The following LAMA1 variants were observed in gnomAD, a reference collection of about 807,000 sequenced individuals.
LAMA1 encodes the protein laminin subunit alpha-1.
In LAMA1, 219 loss-of-function variants were observed where a neutral mutation model predicts 348.7. The observed-to-expected ratio is 0.63, with a 90% CI of 0.56 to 0.70. LAMA1 has a LOEUF of 0.70. Among genes scored for constraint, LAMA1 ranks in the 30% least tolerant of loss-of-function variants. LAMA1 has a pLI of 0.00. For synonymous variants in LAMA1, 1,487 were observed against 1,491.0 expected, an observed-to-expected ratio of 1.00 and a Z score of 0.06; for missense variants, 3,744 against 3,888.0, an observed-to-expected ratio of 0.96 and a Z score of 0.99.
At chr18:7,033,568 T>C (rs1467694288) in intron 14 of LAMA1, among the ~76,000 whole-genome samples, 1 of 152,076 alleles carries the variant, frequency 6.6e-6, no homozygotes. Context: ...TCCCTGGAAA[T>C]GCCTTCAATG....
In LAMA1 at chr18:7,066,219, A is replaced by G. The variant is rs796635995; in HGVS notation, c.345+13756T>C. On this transcript the variant is annotated intron_variant, in intron 3 of 62. Transcript: ENST00000389658. ...CAAATCCAGAGGATGTATTCTCTACATCCCAGTGCATATTCGTGAATGACG... is the reference window on the plus strand; with the variant it reads ...CAAATCCAGAGGATGTATTCTCTACGTCCCAGTGCATATTCGTGAATGACG... Among the ~76,000 whole-genome samples the G allele has an allele frequency of 3.9e-5, 6 of 152,368 alleles. No homozygotes were observed. In the East Asian group the frequency reaches 1.2e-3, roughly 29 times the overall value.
At chr18:7,024,728 T>G (rs2057934752) in intron 17 of LAMA1, among the ~76,000 whole-genome samples, 1 of 152,156 alleles carries the variant, frequency 6.6e-6, no homozygotes, top group African/African-American at 2.4e-5. Flanking sequence ...ACAGCGCGCC[T>G]GCTTCTCTCG....
rs1474594423 is a variant in LAMA1, at chr18:6,999,090, T to C, written c.4663+355A>G. ...GTCACGAGTGGAAGCTATCATGAAATTGGGGTAACACAAATGACAACCCCA... is the reference window on the plus strand; with the variant it reads ...GTCACGAGTGGAAGCTATCATGAAACTGGGGTAACACAAATGACAACCCCA... On this transcript the variant is annotated intron_variant, in intron 32 of 62. Transcript: ENST00000389658. Among the ~76,000 whole-genome samples the C allele has an allele frequency of 3.3e-5, 5 of 151,988 alleles. No individual in the cohort carries two copies. In the East Asian group the frequency reaches 7.7e-4, roughly 23 times the overall value.
chr18:7,041,489 C>A (rs546979876), intron 9 of LAMA1, among the ~76,000 whole-genome samples: 1 of 152,132 alleles, frequency 6.6e-6, no homozygotes, highest in African/African-American at 2.4e-5. Context: ...CCCTACTGGT[C>A]GATATCCATT....
At chr18:7,046,156 G>A (rs990178107) in intron 6 of LAMA1, 122 bp downstream of exon 6, 28 of 646,996 alleles carry the variant, frequency 4.3e-5, no homozygotes, top group Middle Eastern at 7.7e-4. Flanking sequence ...CTGAAAATCT[G>A]TTTTTTTGGA....
chr18:6,993,746 T>C lies in LAMA1; in HGVS notation c.4903A>G (p.Arg1635Gly). The C allele has an allele frequency of 6.3e-7, 1 of 1,596,046 alleles. No individual in the cohort carries two copies. The highest frequency in any genetic ancestry group is 8.6e-7 in the Non-Finnish European group (1 of 1,163,484). ...ETDNLQKKLT[R>G]MLASTQKVNR... ...ACCTTTTGGGTACTCGCTAACATCCTAGTGAGCTGGTGGAAAAATAAAGTC... is the reference window on the plus strand; with the variant it reads ...ACCTTTTGGGTACTCGCTAACATCCCAGTGAGCTGGTGGAAAAATAAAGTC... Residue 1635 changes from arginine (R) to glycine (G), a missense_variant, in exon 35 of 63, where the codon AGG becomes GGG. Physicochemically the swap from Arg to Gly is moderately radical, Grantham distance 125 (BLOSUM62 -2). Around this residue, in one of 3 missense-constraint regions of LAMA1, gnomAD observed 1,983 missense variants for 1,934.3 expected, o/e 1.03. Transcript: ENST00000389658.
At position 7,060,698 on chromosome 18, in the gene LAMA1, C is replaced by T. The variant is rs77965105; in HGVS notation, c.346-9762G>A. ...TAAAACGTAAATAGTAACCCATGAT[C>T]GGTAATCTGAAGATAGGAAAGAAAT... is the stretch of plus-strand genomic sequence containing the variant. On this transcript the variant is annotated intron_variant, in intron 3 of 62. Coordinates refer to ENST00000389658, the MANE Select transcript of LAMA1 (RefSeq NM_005559.4). Among the ~76,000 whole-genome samples the T allele has an allele frequency of 0.013, 1,929 of 152,208 alleles. 107 individuals carry two copies. In the East Asian group the frequency reaches 0.2, roughly 15 times the overall value.
chr18:7,037,464 G>A, intron 12 of LAMA1, 114 bp downstream of exon 12: 2 of 1,172,046 alleles, frequency 1.7e-6, no homozygotes, highest in Non-Finnish European at 2.6e-6. Flanking sequence ...ATGAAATGCT[G>A]TCCAACACTC....
chr18:6,976,002 AG>A lies in LAMA1; in HGVS notation c.6423del (p.Leu2142Ter). 6.2e-7 allele frequency: 1 copy of A among 1,614,198 alleles called. No homozygotes were observed. Among genetic ancestry groups the A allele is most frequent in the Non-Finnish European group, 8.5e-7 (1 of 1,180,024 alleles). On this transcript the variant is annotated frameshift_variant, in exon 45 of 63. Coordinates refer to ENST00000389658, the MANE Select transcript of LAMA1 (RefSeq NM_005559.4). LOFTEE classifies it high-confidence loss of function. ...TCCTGTGTCTTAACATTTAGTGTTA[AG>A]GTATTGTAGTTGGTAGAGGAAATCT... ...QPQISSTNYN[T>X]LTLNVKTQEP...
At chr18:6,955,965 G>A (rs1165200675) in intron 56 of LAMA1, 3 of 313,000 alleles carry the variant, frequency 9.6e-6, no homozygotes, top group Non-Finnish European at 1.9e-5. Context: ...GGCGGGAAGG[G>A]CCCCTGAACC....
At chr18:6,979,174 G>A (rs2057696889) in intron 42 of LAMA1, among the ~76,000 whole-genome samples, 1 of 151,784 alleles carries the variant, frequency 6.6e-6, no homozygotes, top group South Asian at 2.1e-4. Context: ...ATATACCATG[G>A]CATCCTTATA....
chr18:7,068,143 G>A (rs936420216), intron 3 of LAMA1, among the ~76,000 whole-genome samples: 7 of 152,240 alleles, frequency 4.6e-5, no homozygotes, highest in Admixed American at 3.3e-4. Flanking sequence ...GTGAGCCACC[G>A]CGCCCGGCCT....
chr18:6,971,697 A>C (rs911058278), intron 48 of LAMA1, among the ~76,000 whole-genome samples, 160 bp downstream of exon 48: 3 of 152,092 alleles, frequency 2.0e-5, no homozygotes, highest in Non-Finnish European at 4.4e-5. Flanking sequence ...TTTTGACAAT[A>C]AACGTATGAA....
At chr18:7,049,014 A>G (rs747723828) in intron 5 of LAMA1, 64 bp downstream of exon 5, 93 of 1,486,970 alleles carry the variant, frequency 6.3e-5, no homozygotes, top group Non-Finnish European at 8.2e-5. Context: ...AAGAAAAATA[A>G]TAGTTCCTTT....
rs1304417949 is a variant in LAMA1 at position 6,999,624 on chromosome 18, T to C, written c.4484A>G (p.Tyr1495Cys). The C allele has an allele frequency of 6.2e-7, 1 of 1,612,298 alleles. No individual in the cohort carries two copies. Among genetic ancestry groups the C allele is most frequent in the South Asian group, 1.1e-5 (1 of 90,722 alleles). ...GKHCERCSSS[Y>C]YGNPQTPGGS... ...ACCTGGTGTTTGAGGGTTCCCATAA[T>C]AGCTTGAGGAGCACCTACAGAAAGG... The change falls in exon 32 of 63, where the codon TAT becomes TGT. Residue 1495 changes from tyrosine to cysteine, a missense_variant. Physicochemically the swap from Tyr to Cys is radical, Grantham distance 194 (BLOSUM62 -2). Coordinates refer to ENST00000389658, the MANE Select transcript of LAMA1 (RefSeq NM_005559.4).
At chr18:7,003,694 T>C (rs1178048371) in intron 29 of LAMA1, among the ~76,000 whole-genome samples, 1 of 152,186 alleles carries the variant, frequency 6.6e-6, no homozygotes, top group African/African-American at 2.4e-5. Context: ...TGCAGCTGAA[T>C]AGGTTTCCAG....
intron 1 of LAMA1, among the ~76,000 whole-genome samples, chr18:7,105,767 C>T (rs1196905158): frequency 6.6e-6 from 1 of 152,184 alleles, no homozygotes; most frequent in Non-Finnish European, 1.5e-5. Context: ...TCAATCAACA[C>T]CCAATTCTGC....
At chr18:7,089,624 C>G (rs953987673) in intron 1 of LAMA1, among the ~76,000 whole-genome samples, 4 of 152,252 alleles carry the variant, frequency 2.6e-5, no homozygotes, top group Non-Finnish European at 4.4e-5. Context: ...CCTCCAGCCC[C>G]GGTCCTCAAT....
chr18:6,983,046 G>A, intron 40 of LAMA1, 53 bp downstream of exon 40: 1 of 1,613,130 alleles, frequency 6.2e-7, no homozygotes, highest in Admixed American at 1.7e-5. Context: ...CTCAAACCCG[G>A]TACAGAAAAA....
Sources: gnomAD v4.1 joint callset for allele counts (sites outside exome capture counted in the v4.1 genomes callset) on GRCh38, gnomAD v4.1.1 for gene constraint, gnomAD v4.1.1 regional missense constraint, MANE v1.5 for transcripts, NCBI Gene and HGNC (gene_info 2026-07-23, HGNC 2026-07-21) for gene names.